The following LRP1B variants were observed in gnomAD, a reference collection of about 807,000 sequenced individuals.
The protein encoded by LRP1B is LDL receptor related protein 1B.
A neutral mutation model predicts 556.6 loss-of-function variants in LRP1B; 217 were observed. The ratio of observed to expected loss-of-function variants is 0.39; its 90% CI spans 0.35 to 0.44. The LOEUF is 0.44. Ranked by LOEUF, LRP1B falls within the 20% of genes least tolerant of loss-of-function variation. The pLI is 1.00. For synonymous variants in LRP1B, 2,047 were observed against 1,865.8 expected, an observed-to-expected ratio of 1.10 and a Z score of -2.50; for missense variants, 5,053 against 5,620.8, an observed-to-expected ratio of 0.90 and a Z score of 3.23.
At chr2:140,973,018 T>C (rs1043884157) in intron 18 of LRP1B, among the ~76,000 whole-genome samples, 1 of 145,246 alleles carries the variant, frequency 6.9e-6, no homozygotes, top group African/African-American at 2.5e-5. Flanking sequence ...GTTTAGGGCA[T>C]TTTCATATAT....
chr2:140,267,575 C>A (rs992883688), intron 86 of LRP1B, among the ~76,000 whole-genome samples: 1 of 151,886 alleles, frequency 6.6e-6, no homozygotes, highest in South Asian at 2.1e-4. Flanking sequence ...AAAATTGTGT[C>A]CGTGCTGAGC....
At chr2:140,764,032 A>G (rs893334097) in intron 35 of LRP1B, among the ~76,000 whole-genome samples, 1 of 152,150 alleles carries the variant, frequency 6.6e-6, no homozygotes, top group Non-Finnish European at 1.5e-5. Context: ...CAACAATATT[A>G]TATTTCTTAA....
At chr2:141,170,826 G>GCA (rs112205744) in intron 7 of LRP1B, among the ~76,000 whole-genome samples, 13 of 152,220 alleles carry the variant, frequency 8.5e-5, no homozygotes, top group African/African-American at 2.9e-4. Flanking sequence ...TACACAGAGA[G>GCA]CAGAATAAAT....
intron 17 of LRP1B, among the ~76,000 whole-genome samples, chr2:140,988,875 A>C (rs112171642): frequency 0.023 from 3,469 of 152,272 alleles, 66 homozygotes; most frequent in Non-Finnish European, 0.031. Flanking sequence ...AAAAAGAAGC[A>C]CTAGGCTGCT....
chr2:141,266,323 C>CAA (rs34877238), intron 3 of LRP1B, among the ~76,000 whole-genome samples: 2,457 of 73,258 alleles, frequency 0.034, 42 homozygotes, highest in Non-Finnish European at 0.049. Flanking sequence ...GACTCTGTTT[C>CAA]AAAAAAAAAA....
intron 1 of LRP1B, among the ~76,000 whole-genome samples, chr2:142,014,611 G>A (rs1703061867): frequency 6.6e-6 from 1 of 152,202 alleles, no homozygotes. Context: ...TCACAAAGCA[G>A]TAAAACCAGG....
chr2:141,575,313 T>C (rs1404056891), intron 2 of LRP1B, among the ~76,000 whole-genome samples: 2 of 152,112 alleles, frequency 1.3e-5, no homozygotes, highest in African/African-American at 4.8e-5. Context: ...GCCACACATC[T>C]GTAACCATCT....
intron 29 of LRP1B, among the ~76,000 whole-genome samples, chr2:140,844,788 T>C (rs1301350875): frequency 6.6e-6 from 1 of 152,142 alleles, no homozygotes; most frequent in African/African-American, 2.4e-5. Context: ...TTCAAATGCA[T>C]TGTCGAGCTC....
intron 66 of LRP1B, among the ~76,000 whole-genome samples, chr2:140,391,520 G>A (rs1422517369): frequency 6.6e-6 from 1 of 152,024 alleles, no homozygotes; most frequent in African/African-American, 2.4e-5. Flanking sequence ...ACTTCATTTT[G>A]TTTTAATTAA....
At chr2:141,761,388 T>G (rs2105594078) in intron 2 of LRP1B, among the ~76,000 whole-genome samples, 2 of 134,544 alleles carry the variant, frequency 1.5e-5, no homozygotes, top group Admixed American at 1.7e-4. Flanking sequence ...GAAGTCTAGT[T>G]TATTATGTAG....
At chr2:140,695,024 A>G (rs1365959907) in intron 41 of LRP1B, among the ~76,000 whole-genome samples, 1 of 151,216 alleles carries the variant, frequency 6.6e-6, no homozygotes, top group Non-Finnish European at 1.5e-5. Context: ...ATGAACCCCA[A>G]GTAAATATTC....
chr2:141,884,568 C>G (rs1011468563), intron 1 of LRP1B, among the ~76,000 whole-genome samples: 1 of 152,112 alleles, frequency 6.6e-6, no homozygotes, highest in Admixed American at 6.6e-5. Flanking sequence ...TACCAACCTG[C>G]CATACATTAT....
chr2:141,297,422 G>T (rs759533094), intron 3 of LRP1B, among the ~76,000 whole-genome samples: 1 of 152,178 alleles, frequency 6.6e-6, no homozygotes, highest in Non-Finnish European at 1.5e-5. Flanking sequence ...AGTAAGAGTT[G>T]AAGTGCTTTT....
chr2:142,061,131 T>C (rs1704891475), intron 1 of LRP1B, among the ~76,000 whole-genome samples: 5 of 152,036 alleles, frequency 3.3e-5, no homozygotes, highest in Admixed American at 3.3e-4. Flanking sequence ...AGATTCAATG[T>C]ACTTTTCAGA....
At chr2:141,601,100 A>G (rs1687718025) in intron 2 of LRP1B, among the ~76,000 whole-genome samples, 1 of 152,100 alleles carries the variant, frequency 6.6e-6, no homozygotes, top group Non-Finnish European at 1.5e-5. Flanking sequence ...TGTTGTCCCC[A>G]TTTTCTGGCT....
At chr2:141,698,311 T>C (rs1369567060) in intron 2 of LRP1B, among the ~76,000 whole-genome samples, 1 of 151,608 alleles carries the variant, frequency 6.6e-6, no homozygotes, top group Non-Finnish European at 1.5e-5. Flanking sequence ...GTTTAGACAA[T>C]TATACAGAGG....
intron 85 of LRP1B, among the ~76,000 whole-genome samples, chr2:140,270,655 C>G (rs1466897008): frequency 6.6e-6 from 1 of 151,950 alleles, no homozygotes; most frequent in African/African-American, 2.4e-5. Context: ...TTCTGGGAGA[C>G]ATTAGCATCA....
At chr2:140,439,108 C>T (rs1686314234) in intron 66 of LRP1B, among the ~76,000 whole-genome samples, 1 of 152,150 alleles carries the variant, frequency 6.6e-6, no homozygotes, top group African/African-American at 2.4e-5. Flanking sequence ...GTGAATCTAG[C>T]ACAGTCTGTC....
chr2:140,558,832 A>T (rs1393431089), intron 43 of LRP1B, among the ~76,000 whole-genome samples: 1 of 151,738 alleles, frequency 6.6e-6, no homozygotes, highest in Non-Finnish European at 1.5e-5. Flanking sequence ...GCTACTCAGG[A>T]GGCTGAGGTG....
Sources: gnomAD v4.1 joint callset for allele counts (sites outside exome capture counted in the v4.1 genomes callset) on GRCh38, gnomAD v4.1.1 for gene constraint, MANE v1.5 for transcripts, NCBI Gene and HGNC (gene_info 2026-07-23, HGNC 2026-07-21) for gene names.